GLI3: variants seen among roughly 807,000 people sequenced by gnomAD.
GLI3 encodes transcription activator GLI3.
In GLI3, 20 loss-of-function variants were observed where a neutral mutation model predicts 100.8. That is an observed-to-expected ratio of 0.20 (90% CI 0.14 to 0.29). The LOEUF is 0.29. Ranked by LOEUF, GLI3 falls within the 10% of genes least tolerant of loss-of-function variation. The probability of loss-of-function intolerance (pLI) is 1.00; values close to 1 mark genes in which losing one functional copy is unlikely to be tolerated. For synonymous variants in GLI3, 938 were observed against 860.5 expected, an observed-to-expected ratio of 1.09 and a Z score of -1.58; for missense variants, 2,040 against 2,128.5, an observed-to-expected ratio of 0.96 and a Z score of 0.82.
At chr7:42,011,264 G>T (rs1317245491) in intron 10 of GLI3, among the ~76,000 whole-genome samples, 1 of 152,188 alleles carries the variant, frequency 6.6e-6, no homozygotes, top group African/African-American at 2.4e-5. Flanking sequence ...CAGGCAAGAA[G>T]GGGTGGTACT....
chr7:42,215,317 A>G (rs562559666), intron 2 of GLI3, among the ~76,000 whole-genome samples: 1 of 152,312 alleles, frequency 6.6e-6, no homozygotes, highest in African/African-American at 2.4e-5. Context: ...TAAAGCAGAC[A>G]TATCTGGAAA....
intron 3 of GLI3, among the ~76,000 whole-genome samples, chr7:42,089,476 C>T (rs1785171641): frequency 6.6e-6 from 1 of 152,224 alleles, no homozygotes; most frequent in South Asian, 2.1e-4. Flanking sequence ...CCAATATATA[C>T]TTGTACAGAA....
chr7:42,182,681 T>TATATAC (rs1338758976), intron 2 of GLI3, among the ~76,000 whole-genome samples: 47 of 56,744 alleles, frequency 8.3e-4, no homozygotes, highest in South Asian at 2.9e-3. Flanking sequence ...TATATATATA[T>TATATAC]ACACATGTGT....
intron 10 of GLI3, among the ~76,000 whole-genome samples, chr7:41,992,576 A>G (rs1273896056): frequency 1.3e-5 from 2 of 152,214 alleles, no homozygotes; most frequent in East Asian, 1.9e-4. Context: ...ACAAAGCCCA[A>G]TTTGAAAACC....
At position 42,193,306 on chromosome 7, in the gene GLI3, T is replaced by G. The variant is rs3779178; in HGVS notation, c.124+29824A>C. Among the ~76,000 whole-genome samples, 332 of 152,140 alleles carry G rather than the reference T, an allele frequency of 2.2e-3. 6 individuals carry two copies. The East Asian group carries it at 0.032, about 15-fold the overall frequency. ...CTGTTCTTATAAACAATGAGCCCATTCAAAAGGGGTTTAAAAAAATCCCTC... is the reference window on the plus strand; with the variant it reads ...CTGTTCTTATAAACAATGAGCCCATGCAAAAGGGGTTTAAAAAAATCCCTC... On this transcript the variant is annotated intron_variant, in intron 2 of 14. Coordinates refer to ENST00000395925, the MANE Select transcript of GLI3 (RefSeq NM_000168.6).
At position 41,972,771 on chromosome 7, in the gene GLI3, G is replaced by A. The variant is rs1216023019; in HGVS notation, c.1813-144C>T. ...CTTTGAGGTGTTCAGATACCTCTAG[G>A]AACTAATAGTTTAATAAGGCCATTA... On this transcript the variant is annotated intron_variant, in intron 12 of 14. Transcript: ENST00000395925. The surrounding 1 kb of genome is among the most constrained non-coding windows in gnomAD (Gnocchi z 4.4). 2.8e-6 allele frequency: 2 copies of A among 703,736 alleles called. No homozygotes were observed. Among genetic ancestry groups the A allele is most frequent in the South Asian group, 1.6e-5 (1 of 63,428 alleles). 43.6% of individuals were successfully genotyped at this position (703,736 alleles called of 1,614,324 possible). A position where few individuals can be genotyped will look rare whatever the true frequency, so the allele number is the denominator to read the frequency against.
chr7:42,152,386 C>T (rs998967515), intron 2 of GLI3: 43 of 985,108 alleles, frequency 4.4e-5, no homozygotes, highest in Middle Eastern at 5.2e-4. Flanking sequence ...AGCTACTTTG[C>T]GCCAACTTCT....
chr7:42,254,045 C>T (rs1789060448), intron 1 of GLI3, among the ~76,000 whole-genome samples: 1 of 151,952 alleles, frequency 6.6e-6, no homozygotes, highest in South Asian at 2.1e-4. Context: ...CATGGTGAAA[C>T]CCTATCTTTG....
rs761829250 is a variant in GLI3, at chr7:41,967,615, G to A, written c.2412C>T (p.Val804=). The A allele has an allele frequency of 1.2e-6, 2 of 1,612,952 alleles. No individual in the cohort carries two copies. The highest frequency in any genetic ancestry group is 1.1e-5 in the South Asian group (1 of 91,042). ...ACTCACCATTTCCTATGAGAGGAGA[G>A]ACCGCAGGGGCTTTAGGGGGTAGAA... ...NPILPPKAPA[V]SPLIGNGTQS... The change falls in exon 14 of 15, where the codon GTC becomes GTT. Residue 804 remains valine, a synonymous_variant. Transcript: ENST00000395925.
At chr7:42,010,223 C>T (rs1003210674) in intron 10 of GLI3, among the ~76,000 whole-genome samples, 2 of 152,190 alleles carry the variant, frequency 1.3e-5, no homozygotes, top group Non-Finnish European at 2.9e-5. Context: ...GCACGAGGCT[C>T]CAGAGGCTGC....
intron 10 of GLI3, among the ~76,000 whole-genome samples, chr7:41,984,382 G>A (rs758174527): frequency 6.6e-5 from 10 of 152,164 alleles, no homozygotes; most frequent in Non-Finnish European, 1.5e-4. Flanking sequence ...AGGCTGGGAA[G>A]TACACTTCTG....
intron 3 of GLI3, among the ~76,000 whole-genome samples, chr7:42,100,138 A>G (rs937315759): frequency 6.6e-6 from 1 of 152,206 alleles, no homozygotes; most frequent in Non-Finnish European, 1.5e-5. Context: ...TCCCAACCCC[A>G]GTATTTTCTC....
chr7:41,968,759 AGAAG>A (rs1291379394), intron 13 of GLI3, among the ~76,000 whole-genome samples: 11,027 of 93,584 alleles, frequency 0.12, 539 homozygotes, highest in Middle Eastern at 0.16. Flanking sequence ...AAAGAAAGAA[AGAAG>A]GAAAGAAAGA....
intron 3 of GLI3, among the ~76,000 whole-genome samples, chr7:42,082,549 C>T (rs1483615726): frequency 1.3e-5 from 2 of 152,090 alleles, no homozygotes; most frequent in African/African-American, 2.4e-5. Flanking sequence ...CACAGGGCCC[C>T]GCTGAGGACT....
chr7:42,257,706 A>G (rs1789099444), intron 1 of GLI3, among the ~76,000 whole-genome samples: 1 of 152,154 alleles, frequency 6.6e-6, no homozygotes, highest in Admixed American at 6.5e-5. Context: ...TCCCTTTATC[A>G]GAATCTATAA....
intron 2 of GLI3, chr7:42,151,497 T>C (rs1233843896): frequency 6.6e-6 from 1 of 152,140 alleles, no homozygotes; most frequent in Non-Finnish European, 1.5e-5. Context: ...CCAGGCCAAA[T>C]TATTGACAGA....
At chr7:42,126,858 C>T (rs190473090) in intron 3 of GLI3, among the ~76,000 whole-genome samples, 40 of 152,270 alleles carry the variant, frequency 2.6e-4, no homozygotes, top group Admixed American at 3.9e-4. Context: ...AGAAGAGGGT[C>T]AGCCTAAAGG....
At chr7:42,225,543 T>C (rs1261128856) in intron 1 of GLI3, among the ~76,000 whole-genome samples, 4 of 152,156 alleles carry the variant, frequency 2.6e-5, no homozygotes, top group Non-Finnish European at 5.9e-5. Flanking sequence ...GTATTTTTAC[T>C]AGAGATGAGG....
chr7:42,060,435 AT>A (rs1352261564), intron 4 of GLI3, among the ~76,000 whole-genome samples: 4 of 151,956 alleles, frequency 2.6e-5, no homozygotes, highest in South Asian at 2.1e-4. Flanking sequence ...AAGATGATGG[AT>A]TTTTTTTCTT....
Sources: gnomAD v4.1 joint callset for allele counts (sites outside exome capture counted in the v4.1 genomes callset) on GRCh38, gnomAD v4.1.1 for gene constraint, Gnocchi (gnomAD v3.1) non-coding constraint, MANE v1.5 for transcripts, NCBI Gene and HGNC (gene_info 2026-07-23, HGNC 2026-07-21) for gene names.